Variants in GBX1 observed in about 807,000 individuals in gnomAD.
GBX1 encodes the protein homeobox protein GBX-1.
In GBX1, 9 loss-of-function variants were observed where a neutral mutation model predicts 22.9. The observed-to-expected ratio is 0.39, with a 90% CI of 0.24 to 0.69. The LOEUF is 0.69. Ranked by LOEUF, GBX1 falls within the 30% of genes least tolerant of loss-of-function variation. The probability of loss-of-function intolerance (pLI) is 0.43; values close to 1 mark genes in which losing one functional copy is unlikely to be tolerated. For missense variants in GBX1, 494 were observed against 509.2 expected, an observed-to-expected ratio of 0.97 and a Z score of 0.29; for synonymous variants, 203 against 227.3, an observed-to-expected ratio of 0.89 and a Z score of 0.96.
chr7:151,155,078 C>T (rs1387359359), intron 1 of GBX1, among the ~76,000 whole-genome samples: 3 of 152,198 alleles, frequency 2.0e-5, no homozygotes, highest in Non-Finnish European at 4.4e-5. Flanking sequence ...AATCAATTAT[C>T]TTGAGTATTC....
chr7:151,149,923 C>T, intron 1 of GBX1: 1 of 456,098 alleles, frequency 2.2e-6, no homozygotes, highest in Non-Finnish European at 4.4e-6. Flanking sequence ...TTCCCACCTT[C>T]CCCTTTCCCC....
intron 1 of GBX1, among the ~76,000 whole-genome samples, chr7:151,153,569 AC>A (rs1178514627): frequency 2.0e-5 from 3 of 150,610 alleles, no homozygotes; most frequent in African/African-American, 7.3e-5. Context: ...TTTTCCTGAG[AC>A]AGGCGCTCGC....
chr7:151,162,682 AATAT>A (rs1801198100), intron 1 of GBX1, among the ~76,000 whole-genome samples: 1 of 152,130 alleles, frequency 6.6e-6, no homozygotes, highest in Non-Finnish European at 1.5e-5. Context: ...CCATCTAACA[AATAT>A]ATATGGAGTA....
Position 151,148,999 on chromosome 7 carries a change from C to G in GBX1, c.682G>C (p.Ala228Pro), listed in dbSNP as rs941621919. The G allele has an allele frequency of 8.1e-6, 13 of 1,613,798 alleles. No homozygotes were observed. Among genetic ancestry groups the G allele is most frequent in the Non-Finnish European group, 1.1e-5 (13 of 1,179,982 alleles). The stretch of plus-strand genomic sequence containing the variant: ...AGCTTCGGTTTAGGTCCCAGAAGAG[C>G]CCCTGGGCCCCCTGCAGAACTGTCC... ...FLDSSAGGPG[A>P]LLGPKPKLKG... Residue 228 changes from alanine to proline, a missense_variant, in exon 2 of 2, where the codon GCT becomes CCT. Ala to Pro is a conservative substitution (Grantham distance 27). This residue lies in a region of GBX1 where 365 missense variants were observed against 340.4 expected (regional missense o/e 1.07). Transcript: ENST00000297537. The surrounding 1 kb of genome is among the most constrained non-coding windows in gnomAD (Gnocchi z 5.1).
In GBX1 at chr7:151,148,821, C is replaced by A; in HGVS notation, c.860G>T (p.Ser287Ile). ...GGCGATCTGAGAGCGCTCTGTCAAG[C>A]TCAGGTATTTCTTGCAATGAAATTC... ...EKEFHCKKYL[S>I]LTERSQIAHA... is the part of the protein sequence containing the mutation. Residue 287 changes from serine (S) to isoleucine (I), a missense_variant, in exon 2 of 2, where the codon AGC becomes ATC. Transcript: ENST00000297537. This position sits in a 1 kb window ranked among gnomAD's most constrained non-coding sequence, Gnocchi z 5.1. 2 of 1,614,186 alleles carry A rather than the reference C, an allele frequency of 1.2e-6. No individual in the cohort carries two copies. Among genetic ancestry groups the A allele is most frequent in the Non-Finnish European group, 1.7e-6 (2 of 1,180,030 alleles).
chr7:151,154,324 T>A (rs910503034), intron 1 of GBX1, among the ~76,000 whole-genome samples: 2 of 152,158 alleles, frequency 1.3e-5, no homozygotes, highest in African/African-American at 4.8e-5. Flanking sequence ...TTGGTTTGCA[T>A]GAAAAAAATT....
intron 1 of GBX1, among the ~76,000 whole-genome samples, chr7:151,163,467 T>C (rs1171855531): frequency 6.6e-6 from 1 of 152,218 alleles, no homozygotes; most frequent in East Asian, 1.9e-4. Flanking sequence ...TCACCACTGT[T>C]CACCTGTGGC....
rs763561424 is a variant in GBX1, at chr7:151,167,158, TGGCGGCGGCGGC to T, written c.379_390del (p.Ala127_Ala130del). 1 of 1,592,030 alleles carries T rather than the reference TGGCGGCGGCGGC, an allele frequency of 6.3e-7. No individual in the cohort carries two copies. The highest frequency in any genetic ancestry group is 1.1e-5 in the South Asian group (1 of 88,916). ...GGCTCGGGGTTGTTTCGGGCGGCAG[TGGCGGCGGCGGC>T]GGCAGCGGCGGCGGCGAGCTCCTGG... On this transcript the variant is annotated inframe_deletion, in exon 1 of 2. Coordinates refer to ENST00000297537, the MANE Select transcript of GBX1 (RefSeq NM_001098834.3). The surrounding 1 kb of genome is among the most constrained non-coding windows in gnomAD (Gnocchi z 5.9).
Position 151,167,680 on chromosome 7 carries a change from G to A in GBX1, c.-132C>T. 1.0e-6 allele frequency: 1 copy of A among 959,750 alleles called. No homozygotes were observed. 59.5% of individuals were successfully genotyped at this position (959,750 alleles called of 1,614,324 possible). A position where few individuals can be genotyped will look rare whatever the true frequency, so the allele number is the denominator to read the frequency against. ...CGGGCCGAGGTGGCGGCGGGGCGCG[G>A]GCTCGGCGCAGTGTGGCTCCGGCGC... On this transcript the variant is annotated 5_prime_UTR_variant, in exon 1 of 2. Transcript: ENST00000297537. This position sits in a 1 kb window ranked among gnomAD's most constrained non-coding sequence, Gnocchi z 5.9.
At chr7:151,164,615 G>A (rs920429844) in intron 1 of GBX1, among the ~76,000 whole-genome samples, 1 of 152,014 alleles carries the variant, frequency 6.6e-6, no homozygotes, top group African/African-American at 2.4e-5. Context: ...CTGTGTCCCA[G>A]CCTCCCCACT....
At chr7:151,151,114 G>A (rs1475567454) in intron 1 of GBX1, among the ~76,000 whole-genome samples, 1 of 152,166 alleles carries the variant, frequency 6.6e-6, no homozygotes, top group Non-Finnish European at 1.5e-5. Context: ...CCTCGAAGGT[G>A]TTTTCATCCC....
rs1217492262 is a variant in GBX1, at chr7:151,148,354, T to C, written c.*235A>G. ...TCCTCAGCAATAGAACCCCAGCCCC[T>C]TTAACCTTGAAGCCCCTAGTCCTGA... On this transcript the variant is annotated 3_prime_UTR_variant, in exon 2 of 2. Transcript: ENST00000297537. This position sits in a 1 kb window ranked among gnomAD's most constrained non-coding sequence, Gnocchi z 5.1. Among the ~76,000 whole-genome samples the C allele has an allele frequency of 6.6e-6, 1 of 151,526 alleles. No homozygotes were observed. Among genetic ancestry groups the C allele is most frequent in the East Asian group, 1.9e-4 (1 of 5,132 alleles).
In GBX1 at chr7:151,148,989, C is replaced by T. The variant is rs751954730; in HGVS notation, c.692G>A (p.Gly231Glu). The T allele has an allele frequency of 8.1e-6, 13 of 1,613,756 alleles. No homozygotes were observed. The East Asian group carries it at 2.9e-4, about 36-fold the overall frequency. Residue 231 changes from glycine (G) to glutamate (E), a missense_variant, in exon 2 of 2, where the codon GGA (glycine) becomes GAA (glutamate). Gly to Glu is a moderately conservative substitution (Grantham distance 98). Around this residue, in one of 3 missense-constraint regions of GBX1, gnomAD observed 365 missense variants for 340.4 expected, o/e 1.07. Transcript: ENST00000297537. This position sits in a 1 kb window ranked among gnomAD's most constrained non-coding sequence, Gnocchi z 5.1. ...SSAGGPGALL[G>E]PKPKLKGSLG... ...GCTTCCCTTTAGCTTCGGTTTAGGT[C>T]CCAGAAGAGCCCCTGGGCCCCCTGC...
chr7:151,162,195 G>T (rs1458489702), intron 1 of GBX1, among the ~76,000 whole-genome samples: 1 of 152,124 alleles, frequency 6.6e-6, no homozygotes, highest in Non-Finnish European at 1.5e-5. Context: ...AAAAGTTCTA[G>T]GAAAACATAC....
At chr7:151,150,807 A>G (rs1801071605) in intron 1 of GBX1, among the ~76,000 whole-genome samples, 1 of 152,070 alleles carries the variant, frequency 6.6e-6, no homozygotes, top group African/African-American at 2.4e-5. Flanking sequence ...GTCTTGGCCC[A>G]CTGCAGCCTT....
rs1801046632 is a variant in GBX1 at position 151,148,997 on chromosome 7, A to C, written c.684T>G (p.Ala228=). 1 of 1,613,588 alleles carries C rather than the reference A, an allele frequency of 6.2e-7. No individual in the cohort carries two copies. The highest frequency in any genetic ancestry group is 1.3e-5 in the African/African-American group (1 of 74,780). The change falls in exon 2 of 2, where the codon GCT becomes GCG. Residue 228 remains alanine, a synonymous_variant. Coordinates refer to ENST00000297537, the MANE Select transcript of GBX1 (RefSeq NM_001098834.3). The surrounding 1 kb of genome is among the most constrained non-coding windows in gnomAD (Gnocchi z 5.1). ...FLDSSAGGPG[A]LLGPKPKLKG... ...TTAGCTTCGGTTTAGGTCCCAGAAG[A>C]GCCCCTGGGCCCCCTGCAGAACTGT...
At chr7:151,151,065 T>C (rs1409030743) in intron 1 of GBX1, among the ~76,000 whole-genome samples, 1 of 152,152 alleles carries the variant, frequency 6.6e-6, no homozygotes, top group African/African-American at 2.4e-5. Flanking sequence ...CTCTCAACCT[T>C]TTTCCACATC....
intron 1 of GBX1, among the ~76,000 whole-genome samples, chr7:151,155,042 C>A (rs139200164): frequency 1.9e-4 from 29 of 152,176 alleles, no homozygotes; most frequent in Admixed American, 1.6e-3. Context: ...CCCATTACTG[C>A]AGCTCCTGCT....
At chr7:151,150,783 G>A (rs989165212) in intron 1 of GBX1, among the ~76,000 whole-genome samples, 1 of 152,110 alleles carries the variant, frequency 6.6e-6, no homozygotes, top group African/African-American at 2.4e-5. Flanking sequence ...AGCAAGGCTG[G>A]AGTATAGTGC....
Sources: allele counts gnomAD v4.1 joint callset (sites outside exome capture counted in the v4.1 genomes callset), GRCh38; gene constraint gnomAD v4.1.1; regional missense constraint gnomAD v4.1.1; non-coding constraint Gnocchi (gnomAD v3.1); transcripts MANE v1.5; gene names NCBI Gene and HGNC (gene_info 2026-07-23, HGNC 2026-07-21).